AGBL1: variants seen among roughly 807,000 people sequenced by gnomAD.
The protein encoded by AGBL1 is cytosolic carboxypeptidase 4.
Under a neutral mutation model 118.9 loss-of-function variants are expected in AGBL1, and 130 were observed. That is an observed-to-expected ratio of 1.09 (90% CI 0.95 to 1.26). The LOEUF (loss-of-function observed/expected upper bound fraction) is 1.26, where lower values mean the gene tolerates loss of function less well. Among genes scored for constraint, AGBL1 ranks in the 50% most tolerant of loss-of-function variants. AGBL1 has a pLI of 0.00. For synonymous variants in AGBL1, 555 were observed against 478.9 expected (o/e 1.16, Z -2.08); for missense variants, 1,584 against 1,298.1 (o/e 1.22, Z -3.38).
intron 24 of AGBL1, among the ~76,000 whole-genome samples, chr15:86,998,634 G>T (rs1010197706): frequency 6.6e-6 from 1 of 152,118 alleles, no homozygotes; most frequent in Non-Finnish European, 1.5e-5. Flanking sequence ...GGCAATAAAG[G>T]CCACATTTGT....
chr15:86,900,155 C>T (rs2141578702), intron 22 of AGBL1, among the ~76,000 whole-genome samples: 1 of 152,282 alleles, frequency 6.6e-6, no homozygotes, highest in South Asian at 2.1e-4. Flanking sequence ...GCACTGTTGT[C>T]TTCCCTACTT....
chr15:87,023,932 C>A (rs1472850957), intron 24 of AGBL1, among the ~76,000 whole-genome samples: 1 of 151,870 alleles, frequency 6.6e-6, no homozygotes, highest in Non-Finnish European at 1.5e-5. Context: ...ATTCTTTGAA[C>A]TGAATGACAA....
rs1191881199 is a variant in AGBL1, at chr15:86,154,530, T to C, written c.363T>C (p.Cys121=). Residue 121 remains cysteine, a synonymous_variant, in exon 4 of 23, where the codon TGT becomes TGC. Transcript: ENST00000614907. ...CCCATGGCCAGAATCTCCTCCACTG[T>C]CTCTGGGCTCTGCGTGTGTTTGCCT... is the stretch of plus-strand genomic sequence containing the variant. ...NLSHGQNLLH[C]LWALRVFASS... is the part of the protein sequence containing the mutation. The C allele has an allele frequency of 6.2e-7, 1 of 1,611,698 alleles. No individual in the cohort carries two copies. The highest frequency in any genetic ancestry group is 8.5e-7 in the Non-Finnish European group (1 of 1,178,816).
chr15:87,028,826 G>A (rs760252380), exon 25 of AGBL1: 2 of 1,606,352 alleles, frequency 1.2e-6, no homozygotes, highest in African/African-American at 1.3e-5. Context: ...CCTTCTCAGA[G>A]TTTGTGACAC....
At chr15:86,918,305 G>A (rs2080449303), downstream of AGBL1, among the ~76,000 whole-genome samples, 1 of 152,158 alleles carries the variant, frequency 6.6e-6, no homozygotes, top group Non-Finnish European at 1.5e-5. Flanking sequence ...AAAGTGAGTG[G>A]TTAGTGGAGA....
chr15:86,118,148 C>A (rs1369327602), intron 1 of AGBL1, among the ~76,000 whole-genome samples: 1 of 152,164 alleles, frequency 6.6e-6, no homozygotes. Context: ...CACCTTTTCC[C>A]AGGTGGACTC....
Position 86,522,920 on chromosome 15 carries a change from G to T in AGBL1, c.2666G>T (p.Ser889Ile). The T allele has an allele frequency of 1.2e-6, 2 of 1,613,968 alleles. No homozygotes were observed. The highest frequency in any genetic ancestry group is 1.7e-6 in the Non-Finnish European group (2 of 1,179,840). ...HAKGLLYHLSSIGRSPVVFCD... is the reference protein window; with the variant it reads ...HAKGLLYHLSIIGRSPVVFCD... Reference sequence around the variant, plus strand: ...AAAGGCCTCCTCTACCACCTGAGCAGCATTGGCCGAAGTCCCGTGGTGAGT... The same window carrying T: ...AAAGGCCTCCTCTACCACCTGAGCATCATTGGCCGAAGTCCCGTGGTGAGT... Residue 889 changes from serine (S) to isoleucine (I), a missense_variant, in exon 19 of 23, where the codon AGC (serine) becomes ATC (isoleucine). Transcript: ENST00000614907.
At position 86,509,120 on chromosome 15, in the gene AGBL1, C is replaced by T. The variant is rs549928709; in HGVS notation, c.2556-13690C>T. Among the ~76,000 whole-genome samples the T allele has an allele frequency of 8.5e-5, 13 of 152,262 alleles. No homozygotes were observed. The South Asian group carries it at 2.3e-3, about 27-fold the overall frequency. On this transcript the variant is annotated intron_variant, in intron 18 of 22. Transcript: ENST00000614907. ...AGTGAGAGATCCAGACTTGAATGCACACAGCCAGAATCCGGTGACACGCAC... is the reference window on the plus strand; with the variant it reads ...AGTGAGAGATCCAGACTTGAATGCATACAGCCAGAATCCGGTGACACGCAC...
At chr15:86,313,735 A>G (rs2079955523) in intron 17 of AGBL1, among the ~76,000 whole-genome samples, 2 of 152,196 alleles carry the variant, frequency 1.3e-5, no homozygotes, top group Non-Finnish European at 2.9e-5. Flanking sequence ...TGCTTTGTTC[A>G]TAGCACCTGC....
At chr15:86,657,246 C>T (rs563420506) in intron 21 of AGBL1, among the ~76,000 whole-genome samples, 3 of 152,264 alleles carry the variant, frequency 2.0e-5, no homozygotes, top group South Asian at 2.1e-4. Flanking sequence ...GTACAAGTGC[C>T]GCGGGCTGAC....
intron 1 of AGBL1, among the ~76,000 whole-genome samples, chr15:86,121,444 A>G (rs1898090035): frequency 6.6e-6 from 1 of 152,246 alleles, no homozygotes; most frequent in African/African-American, 2.4e-5. Flanking sequence ...AAATAGGTCT[A>G]AGAGGGACCT....
chr15:87,024,027 A>T (rs1482619208), intron 24 of AGBL1, among the ~76,000 whole-genome samples: 1 of 152,088 alleles, frequency 6.6e-6, no homozygotes, highest in Non-Finnish European at 1.5e-5. Flanking sequence ...TACATCAAAA[A>T]GTCTAAAAGA....
At chr15:86,688,073 G>C (rs2086094149) in intron 22 of AGBL1, among the ~76,000 whole-genome samples, 1 of 152,120 alleles carries the variant, frequency 6.6e-6, no homozygotes, top group Non-Finnish European at 1.5e-5. Context: ...TCCTTAAAAA[G>C]TTGGAATTTA....
chr15:86,779,021 C>T (rs1055990740), intron 22 of AGBL1, among the ~76,000 whole-genome samples: 1 of 152,192 alleles, frequency 6.6e-6, no homozygotes, highest in South Asian at 2.1e-4. Flanking sequence ...TCCCTCCCTT[C>T]CAGGTTCCTG....
intron 21 of AGBL1, among the ~76,000 whole-genome samples, chr15:86,663,806 C>T (rs1224186487): frequency 6.6e-6 from 1 of 152,162 alleles, no homozygotes; most frequent in Non-Finnish European, 1.5e-5. Context: ...CACTCTGGCT[C>T]TACTGCTACT....
intron 1 of AGBL1, among the ~76,000 whole-genome samples, chr15:86,095,675 T>A (rs371312366): frequency 0.02 from 2,734 of 136,010 alleles, 70 homozygotes; most frequent in Non-Finnish European, 0.034. Flanking sequence ...TTTTTTTTTT[T>A]ACCTTACAGC....
intron 5 of AGBL1, among the ~76,000 whole-genome samples, chr15:86,185,393 A>G (rs149694827): frequency 0.012 from 1,853 of 152,322 alleles, 21 homozygotes; most frequent in East Asian, 0.057. Context: ...TGACCCAGCC[A>G]TCCCATTACT....
intron 1 of AGBL1, chr15:86,105,238 A>T (rs1896986205): frequency 6.6e-6 from 1 of 152,194 alleles, no homozygotes; most frequent in Non-Finnish European, 1.5e-5. Context: ...CAGATATTTC[A>T]TGCCAGTCTT....
At chr15:86,466,458 A>C (rs1035441111) in intron 18 of AGBL1, among the ~76,000 whole-genome samples, 21 of 151,944 alleles carry the variant, frequency 1.4e-4, no homozygotes, top group Non-Finnish European at 2.8e-4. Flanking sequence ...AGGTTGGAGG[A>C]GTTTGTTATT....
Sources: gnomAD v4.1 joint callset for allele counts (sites outside exome capture counted in the v4.1 genomes callset) on GRCh38, gnomAD v4.1.1 for gene constraint, MANE v1.5 for transcripts, NCBI Gene and HGNC (gene_info 2026-07-23, HGNC 2026-07-21) for gene names.